MALRD1: variants seen among roughly 807,000 people sequenced by gnomAD.
The protein encoded by MALRD1 is MAM and LDL receptor class A domain containing 1.
Under a neutral mutation model 242.1 loss-of-function variants are expected in MALRD1, and 247 were observed. The observed-to-expected ratio is 1.02, with a 90% confidence interval of 0.92 to 1.13. MALRD1 has a LOEUF of 1.13. Ranked by LOEUF, MALRD1 falls within the 50% of genes most tolerant of loss-of-function variation. The pLI is 0.00. For synonymous variants in MALRD1, 995 were observed against 866.6 expected, an observed-to-expected ratio of 1.15 and a Z score of -2.60; for missense variants, 2,989 against 2,533.1, an observed-to-expected ratio of 1.18 and a Z score of -3.86.
At chr10:19,123,439 G>A (rs1837140148) in intron 5 of MALRD1, 53 bp from the exon 6 acceptor site, 1 of 1,041,032 alleles carries the variant, frequency 9.6e-7, no homozygotes, top group South Asian at 4.8e-5. Flanking sequence ...AAATACTTGA[G>A]TCTTTCCAGT....
At chr10:19,367,435 C>T (rs972126369) in intron 26 of MALRD1, among the ~76,000 whole-genome samples, 1 of 152,064 alleles carries the variant, frequency 6.6e-6, no homozygotes, top group African/African-American at 2.4e-5. Context: ...TTGCTGCTCA[C>T]GATGGGATTT....
At chr10:19,148,745 A>G (rs1170491251) in intron 11 of MALRD1, among the ~76,000 whole-genome samples, 3 of 143,484 alleles carry the variant, frequency 2.1e-5, no homozygotes, top group African/African-American at 7.8e-5. Flanking sequence ...ACAAAAACGC[A>G]GTCTTTCTCA....
intron 34 of MALRD1, among the ~76,000 whole-genome samples, chr10:19,597,077 A>T (rs1454957916): frequency 6.6e-6 from 1 of 152,180 alleles, no homozygotes; most frequent in Non-Finnish European, 1.5e-5. Flanking sequence ...GTTCGGGCTG[A>T]CAAATTGGTT....
chr10:19,244,087 C>T (rs1429612978), intron 18 of MALRD1, among the ~76,000 whole-genome samples: 1 of 152,018 alleles, frequency 6.6e-6, no homozygotes, highest in Non-Finnish European at 1.5e-5. Flanking sequence ...CTAAAGATAT[C>T]CGAAACTAAG....
intron 28 of MALRD1, among the ~76,000 whole-genome samples, chr10:19,393,284 A>G (rs1426848574): frequency 6.6e-6 from 1 of 152,082 alleles, no homozygotes; most frequent in Admixed American, 6.6e-5. Context: ...ATTAAATTTA[A>G]ATGCATTACC....
chr10:19,347,669 A>C, intron 24 of MALRD1, 102 bp from the exon 25 acceptor site: 1 of 1,364,668 alleles, frequency 7.3e-7, no homozygotes, highest in Non-Finnish European at 9.9e-7. Flanking sequence ...TGAAGGTTTC[A>C]AATATTACAT....
upstream of MALRD1, among the ~76,000 whole-genome samples, chr10:19,047,227 C>T (rs1377148750): frequency 6.6e-6 from 1 of 152,054 alleles, no homozygotes; most frequent in African/African-American, 2.4e-5. Context: ...TCTACAGGTT[C>T]CTTACTTGGG....
intron 29 of MALRD1, among the ~76,000 whole-genome samples, chr10:19,454,328 C>A (rs181010082): frequency 6.8e-6 from 1 of 147,738 alleles, no homozygotes; most frequent in East Asian, 2.0e-4. Context: ...AAAGAGTCAA[C>A]AGATATTCCC....
chr10:19,529,548 G>GT (rs1047993489), intron 31 of MALRD1, among the ~76,000 whole-genome samples: 8 of 146,628 alleles, frequency 5.5e-5, no homozygotes, highest in Admixed American at 2.0e-4. Flanking sequence ...AAAACAGGAG[G>GT]GGGGGGGAGA....
At chr10:19,732,555 A>T (rs1473575118) in intron 39 of MALRD1, among the ~76,000 whole-genome samples, 1 of 152,156 alleles carries the variant, frequency 6.6e-6, no homozygotes, top group Non-Finnish European at 1.5e-5. Flanking sequence ...GAGCCACTGT[A>T]CCTGGCCAGA....
At chr10:19,082,457 A>G (rs1835522753) in intron 2 of MALRD1, among the ~76,000 whole-genome samples, 1 of 151,782 alleles carries the variant, frequency 6.6e-6, no homozygotes, top group Non-Finnish European at 1.5e-5. Context: ...GATGTCCTCT[A>G]TTTTATGACA....
At chr10:19,481,571 C>A (rs578035961) in intron 29 of MALRD1, among the ~76,000 whole-genome samples, 1 of 152,072 alleles carries the variant, frequency 6.6e-6, no homozygotes, top group Non-Finnish European at 1.5e-5. Context: ...CATAATCTTC[C>A]CAAATTATAT....
At position 19,067,950 on chromosome 10, in the gene MALRD1, G is replaced by T. The variant is rs181927815; in HGVS notation, c.340+1091G>T. Among the ~76,000 whole-genome samples, 486 of 151,984 alleles carry T rather than the reference G, an allele frequency of 3.2e-3. 1 individual carries two copies. The highest frequency in any genetic ancestry group is 4.8e-3 in the Non-Finnish European group (325 of 67,914). ...GTTTAGAATTCTTAACCATTTTTAG[G>T]AATCAGCCAGTTTTATTACCAAAAA... is the stretch of plus-strand genomic sequence containing the variant. On this transcript the variant is annotated intron_variant, in intron 2 of 39. Transcript: ENST00000454679.
In MALRD1 at chr10:19,262,349, G is replaced by C. The variant is rs529089937; in HGVS notation, c.3079+4578G>C. ...AACCTCGTGTAGTTACCCCTCCTCT[G>C]TGTGTGTGTGTGGTAAGAGAACTTG... On this transcript the variant is annotated intron_variant, in intron 19 of 39. Transcript: ENST00000454679. Among the ~76,000 whole-genome samples, 247 of 56,788 alleles carry C rather than the reference G, an allele frequency of 4.3e-3. 1 individual carries two copies. Among genetic ancestry groups the C allele is most frequent in the African/African-American group, 0.015 (219 of 15,026 alleles). 37.3% of individuals were successfully genotyped at this position (56,788 alleles called of 152,430 possible).
intron 12 of MALRD1, among the ~76,000 whole-genome samples, chr10:19,160,661 A>T (rs2131485648): frequency 2.6e-5 from 1 of 38,212 alleles, no homozygotes; most frequent in East Asian, 5.3e-4. Flanking sequence ...GTCTATTCAG[A>T]GATTCAACTT....
chr10:19,607,818 T>C lies in MALRD1; in HGVS notation c.5986T>C (p.Ser1996Pro), dbSNP rs1838710291. The part of the protein sequence containing the change: ...CSNGALVCAS[S>P]NSCIPAHQRC... ...TAATGGAGCTCTGGTGTGTGCCTCC[T>C]CCAACAGCTGTATCCCAGCCCACCA... Residue 1996 changes from serine to proline, a missense_variant, in exon 35 of 40, where the codon TCC becomes CCC. Coordinates refer to ENST00000454679, the MANE Select transcript of MALRD1 (RefSeq NM_001142308.3). 1.9e-6 allele frequency: 3 copies of C among 1,549,818 alleles called. No individual in the cohort carries two copies. Among genetic ancestry groups the C allele is most frequent in the Non-Finnish European group, 2.6e-6 (3 of 1,146,498 alleles).
intron 21 of MALRD1, among the ~76,000 whole-genome samples, chr10:19,315,578 T>TATAAATATAATTGA (rs1484830362): frequency 1.6e-5 from 1 of 62,434 alleles, no homozygotes; most frequent in Non-Finnish European, 2.6e-5. Flanking sequence ...AATATATAAA[T>TATAAATATAATTGA]TATAAATTAT....
chr10:19,184,611 C>T (rs1182523403), intron 14 of MALRD1, among the ~76,000 whole-genome samples: 3 of 151,992 alleles, frequency 2.0e-5, no homozygotes, highest in African/African-American at 7.3e-5. Context: ...TGCAGTGGTG[C>T]GATCTTGGCT....
intron 29 of MALRD1, among the ~76,000 whole-genome samples, chr10:19,465,950 A>G (rs1014346892): frequency 7.9e-5 from 12 of 152,252 alleles, no homozygotes; most frequent in African/African-American, 2.6e-4. Flanking sequence ...TAATTTGTCA[A>G]TTTCTTTAAA....
Sources: allele counts gnomAD v4.1 joint callset (sites outside exome capture counted in the v4.1 genomes callset), GRCh38; gene constraint gnomAD v4.1.1; transcripts MANE v1.5; gene names NCBI Gene and HGNC (gene_info 2026-07-23, HGNC 2026-07-21).